The following THNSL1 variants were observed in gnomAD, a reference collection of about 807,000 sequenced individuals.
The protein encoded by THNSL1 is threonine synthase-like 1.
THNSL1 carries 48 observed loss-of-function variants against 50.4 expected under a neutral mutation model. The ratio of observed to expected loss-of-function variants is 0.95; its 90% confidence interval spans 0.76 to 1.21. The LOEUF is 1.21. THNSL1 is among the 50% of genes most tolerant of loss of function. THNSL1 has a pLI of 0.00. For missense variants in THNSL1, 896 were observed against 871.7 expected (o/e 1.03, Z -0.35); for synonymous variants, 309 against 306.1 (o/e 1.01, Z -0.10).
the THNSL1 span, among the ~76,000 whole-genome samples, chr10:24,974,326 G>A: frequency 6.6e-6 from 1 of 152,104 alleles, no homozygotes; most frequent in Non-Finnish European, 1.5e-5. Context: ...TCTATTGTAA[G>A]AAAATTAGCC....
chr10:24,973,074 C>T, the THNSL1 span, among the ~76,000 whole-genome samples: 1 of 152,132 alleles, frequency 6.6e-6, no homozygotes, highest in East Asian at 1.9e-4. Context: ...ATAGAACATT[C>T]ATTCTTAGCA....
At chr10:24,980,758 C>T in the THNSL1 span, among the ~76,000 whole-genome samples, 1 of 152,074 alleles carries the variant, frequency 6.6e-6, no homozygotes, top group Non-Finnish European at 1.5e-5. Context: ...CCTCTGTCAC[C>T]CAGGCTGGAG....
chr10:24,995,777 T>C, the THNSL1 span: 3 of 1,613,972 alleles, frequency 1.9e-6, no homozygotes, highest in Non-Finnish European at 2.5e-6. Context: ...TTTGTATTTA[T>C]AAAATTTTTT....
chr10:24,954,728 A>G, the THNSL1 span, among the ~76,000 whole-genome samples: 2 of 152,284 alleles, frequency 1.3e-5, no homozygotes, highest in African/African-American at 4.8e-5. Flanking sequence ...TAAAAATCTA[A>G]TTCATTTTAT....
chr10:24,993,072 C>T, the THNSL1 span, among the ~76,000 whole-genome samples: 1 of 152,134 alleles, frequency 6.6e-6, no homozygotes, highest in Non-Finnish European at 1.5e-5. Context: ...GGCAGGAGAA[C>T]TGCTTGAGCC....
chr10:24,971,752 A>C, the THNSL1 span, among the ~76,000 whole-genome samples: 1 of 152,142 alleles, frequency 6.6e-6, no homozygotes, highest in African/African-American at 2.4e-5. Context: ...ACATCTCTAA[A>C]ATCAATGGTG....
chr10:24,967,411 AC>A, the THNSL1 span, among the ~76,000 whole-genome samples: 1 of 152,050 alleles, frequency 6.6e-6, no homozygotes, highest in Non-Finnish European at 1.5e-5. Flanking sequence ...CTGAGAATAA[AC>A]CCCCAAATGA....
At chr10:24,992,338 A>G in the THNSL1 span, among the ~76,000 whole-genome samples, 3 of 152,210 alleles carry the variant, frequency 2.0e-5, no homozygotes, top group East Asian at 5.8e-4. Flanking sequence ...TATTTTAGAT[A>G]AATAAGGAGG....
In THNSL1 at chr10:25,024,832, A is replaced by G. The variant is rs1323688789; in HGVS notation, c.1609A>G (p.Asn537Asp). ...IRKFICASNQ[N>D]HVLTDFIKTG... ...AAAATTTATCTGTGCCTCTAATCAG[A>G]ACCATGTTTTGACTGATTTTATAAA... The change falls in exon 3 of 3, where the codon AAC (asparagine) becomes GAC (aspartate). Residue 537 changes from asparagine to aspartate, a missense_variant. By Grantham distance (23) the Asn-to-Asp change is conservative. Transcript: ENST00000376356. The G allele has an allele frequency of 1.2e-6, 2 of 1,614,072 alleles. No homozygotes were observed. The highest frequency in any genetic ancestry group is 3.3e-5 in the Admixed American group (2 of 60,006).
Position 25,022,850 on chromosome 10 carries a change from G to T in THNSL1, c.-48-326G>T, listed in dbSNP as rs577045539. Among the ~76,000 whole-genome samples, 32 of 152,246 alleles carry T rather than the reference G, an allele frequency of 2.1e-4. No individual in the cohort carries two copies. The South Asian group carries it at 6.4e-3, about 31-fold the overall frequency. Reference sequence around the variant, plus strand: ...TCAATATGAAAAGAAATAGTAATTTGATTTAGTGTATATATACTTTTAAAA... The same window carrying T: ...TCAATATGAAAAGAAATAGTAATTTTATTTAGTGTATATATACTTTTAAAA... On this transcript the variant is annotated intron_variant, in intron 2 of 2. Transcript: ENST00000376356.
the THNSL1 span, among the ~76,000 whole-genome samples, chr10:24,969,871 G>A: frequency 1.3e-5 from 2 of 152,130 alleles, no homozygotes; most frequent in African/African-American, 4.8e-5. Flanking sequence ...ATATCCTTTT[G>A]CATAGCAACA....
At chr10:24,959,170 C>CA in the THNSL1 span, among the ~76,000 whole-genome samples, 1 of 151,892 alleles carries the variant, frequency 6.6e-6, no homozygotes, top group Non-Finnish European at 1.5e-5. Context: ...ACTTCAAAAA[C>CA]AAAAACAAAA....
the THNSL1 span, among the ~76,000 whole-genome samples, chr10:24,969,650 A>T: frequency 1.4e-5 from 2 of 139,274 alleles, no homozygotes; most frequent in African/African-American, 6.7e-5. Flanking sequence ...ACGGCTACTT[A>T]AGTGCTGTCC....
chr10:24,981,402 CT>C, the THNSL1 span, among the ~76,000 whole-genome samples: 1 of 152,122 alleles, frequency 6.6e-6, no homozygotes, highest in African/African-American at 2.4e-5. Context: ...TTGCCAGTTA[CT>C]AGAGATAAAA....
At chr10:24,982,674 T>C in the THNSL1 span, 7 of 152,124 alleles carry the variant, frequency 4.6e-5, no homozygotes, top group Admixed American at 1.3e-4. Flanking sequence ...TGTGTATGGA[T>C]TGGGGGAGGT....
chr10:24,955,735 A>G, the THNSL1 span, among the ~76,000 whole-genome samples: 2 of 152,212 alleles, frequency 1.3e-5, no homozygotes, highest in Admixed American at 6.5e-5. Flanking sequence ...ACTTGAGGCC[A>G]GGAATTCAAG....
chr10:24,992,595 G>A, the THNSL1 span, among the ~76,000 whole-genome samples: 1 of 152,164 alleles, frequency 6.6e-6, no homozygotes, highest in Non-Finnish European at 1.5e-5. Flanking sequence ...CTGGTCTAGT[G>A]ACAAGCAATG....
At chr10:24,997,397 CT>C in the THNSL1 span, among the ~76,000 whole-genome samples, 1 of 109,324 alleles carries the variant, frequency 9.1e-6, no homozygotes, top group East Asian at 2.7e-4. Context: ...TTTTTTTCCT[CT>C]TTTTTTGAGA....
At position 25,025,076 on chromosome 10, in the gene THNSL1, G is replaced by A. The variant is rs1247709241; in HGVS notation, c.1853G>A (p.Trp618Ter). 1.2e-6 allele frequency: 2 copies of A among 1,614,198 alleles called. No individual in the cohort carries two copies. The highest frequency in any genetic ancestry group is 1.7e-5 in the Admixed American group (1 of 60,016). Reference protein sequence around the residue: ...EKLQQDFVADWCSEGECLAAI... With the variant: ...EKLQQDFVAD ...CTTCAGCAGGATTTTGTAGCTGACT[G>A]GTGCTCTGAGGGAGAGTGCCTAGCA... The change falls in exon 3 of 3, where the codon TGG (tryptophan) becomes TAG (stop). Residue 618 changes from tryptophan to a stop codon, truncating the protein, a stop_gained. Transcript: ENST00000376356. LOFTEE classifies it high-confidence loss of function.
Sources: gnomAD v4.1 joint callset for allele counts (sites outside exome capture counted in the v4.1 genomes callset) on GRCh38, gnomAD v4.1.1 for gene constraint, MANE v1.5 for transcripts, NCBI Gene and HGNC (gene_info 2026-07-23, HGNC 2026-07-21) for gene names.